Variants in LRCH1 observed in about 807,000 individuals in gnomAD.
LRCH1 encodes leucine-rich repeat and calponin homology domain-containing protein 1.
Under a neutral mutation model 94.9 loss-of-function variants are expected in LRCH1, and 23 were observed. The ratio of observed to expected loss-of-function variants is 0.24; its 90% CI spans 0.17 to 0.34. The LOEUF is 0.34. Among genes scored for constraint, LRCH1 ranks in the 10% least tolerant of loss-of-function variants. LRCH1 has a pLI of 1.00. For synonymous variants in LRCH1, 364 were observed against 354.9 expected, an observed-to-expected ratio of 1.03 and a Z score of -0.29; for missense variants, 790 against 945.9, an observed-to-expected ratio of 0.84 and a Z score of 2.16.
At chr13:46,579,009 T>C (rs540168372) in intron 1 of LRCH1, among the ~76,000 whole-genome samples, 1 of 152,106 alleles carries the variant, frequency 6.6e-6, no homozygotes, top group African/African-American at 2.4e-5. Context: ...ATGAAGAACA[T>C]TGGGCTGTTT....
At chr13:46,582,548 A>C (rs1000517410) in intron 1 of LRCH1, among the ~76,000 whole-genome samples, 31 of 148,806 alleles carry the variant, frequency 2.1e-4, no homozygotes, top group African/African-American at 7.7e-4. Context: ...GCAGTGACAC[A>C]ATCTTAGCTC....
chr13:46,750,515 G>T, intron 18 of LRCH1: 3 of 1,447,574 alleles, frequency 2.1e-6, no homozygotes, highest in Non-Finnish European at 2.9e-6. Flanking sequence ...TCTAAAAATT[G>T]ATGTTTTATT....
chr13:46,595,911 G>A (rs1031767406), intron 1 of LRCH1, among the ~76,000 whole-genome samples: 7 of 149,232 alleles, frequency 4.7e-5, no homozygotes, highest in African/African-American at 1.5e-4. Flanking sequence ...GGATGTTAAA[G>A]GTAGAGGAAG....
intron 2 of LRCH1, among the ~76,000 whole-genome samples, chr13:46,666,532 T>C (rs988614143): frequency 6.6e-6 from 1 of 152,226 alleles, no homozygotes; most frequent in Admixed American, 6.5e-5. Context: ...GATCTTAACT[T>C]GTATTTGTTA....
chr13:46,655,254 A>G (rs1320671904), intron 2 of LRCH1, among the ~76,000 whole-genome samples: 1 of 152,242 alleles, frequency 6.6e-6, no homozygotes, highest in Non-Finnish European at 1.5e-5. Flanking sequence ...CTTGTTGCCA[A>G]CAACCTCTAG....
At chr13:46,599,190 C>G (rs2137978332) in intron 1 of LRCH1, among the ~76,000 whole-genome samples, 1 of 152,308 alleles carries the variant, frequency 6.6e-6, no homozygotes, top group Non-Finnish European at 1.5e-5. Context: ...CTTCTTAAGG[C>G]TGATTAATAT....
At chr13:46,576,738 C>T (rs934309524) in intron 1 of LRCH1, among the ~76,000 whole-genome samples, 4 of 152,192 alleles carry the variant, frequency 2.6e-5, no homozygotes, top group Non-Finnish European at 5.9e-5. Context: ...CTACAGTCTC[C>T]AGCATTCCAT....
At chr13:46,625,642 T>G (rs1427179721) in intron 1 of LRCH1, among the ~76,000 whole-genome samples, 14 of 150,376 alleles carry the variant, frequency 9.3e-5, no homozygotes, top group African/African-American at 9.8e-5. Context: ...GTTTTTTTTT[T>G]TTTTTTTTTT....
intron 3 of LRCH1, chr13:46,680,240 T>C (rs1478875491): frequency 6.6e-6 from 1 of 152,224 alleles, no homozygotes; most frequent in Non-Finnish European, 1.5e-5. Flanking sequence ...CACAGTATTA[T>C]GGAGTGTCAC....
At chr13:46,601,228 G>A (rs2137982804) in intron 1 of LRCH1, among the ~76,000 whole-genome samples, 1 of 152,084 alleles carries the variant, frequency 6.6e-6, no homozygotes. Context: ...TGGAGAATAT[G>A]CATCAGCCTT....
chr13:46,641,901 T>G (rs1337582886), intron 1 of LRCH1, among the ~76,000 whole-genome samples: 1 of 152,236 alleles, frequency 6.6e-6, no homozygotes, highest in East Asian at 1.9e-4. Context: ...CAGTGGTGAC[T>G]CTTATTGTTT....
At position 46,686,119 on chromosome 13, in the gene LRCH1, C is replaced by T. The variant is rs1870601013; in HGVS notation, c.822+78C>T. The T allele has an allele frequency of 4.5e-6, 6 of 1,330,656 alleles. No individual in the cohort carries two copies. In the Middle Eastern group the frequency reaches 5.9e-4, roughly 132 times the overall value. The allele number at this position is 1,330,656 out of a possible 1,614,324, so 82.4% of individuals were successfully genotyped here. On this transcript the variant is annotated intron_variant, in intron 5 of 19. Transcript: ENST00000389797. Reference sequence around the variant, plus strand: ...GCCAAGGGAAAATTTCCCCTTCACCCTCTGAAAGTTTGCTGAAAATCACTA... The same window carrying T: ...GCCAAGGGAAAATTTCCCCTTCACCTTCTGAAAGTTTGCTGAAAATCACTA...
chr13:46,677,417 G>A (rs1369119819), intron 3 of LRCH1, among the ~76,000 whole-genome samples: 4 of 152,118 alleles, frequency 2.6e-5, no homozygotes, highest in African/African-American at 9.7e-5. Context: ...GCGACAGAGC[G>A]AGACAATGTC....
intron 1 of LRCH1, among the ~76,000 whole-genome samples, chr13:46,602,382 G>A (rs569244604): frequency 6.6e-6 from 1 of 152,278 alleles, no homozygotes; most frequent in African/African-American, 2.4e-5. Flanking sequence ...TTGGGGACAG[G>A]TAATCCATTC....
intron 1 of LRCH1, among the ~76,000 whole-genome samples, chr13:46,563,992 A>G (rs1351096865): frequency 6.6e-6 from 1 of 152,170 alleles, no homozygotes; most frequent in Non-Finnish European, 1.5e-5. Context: ...CAAACCAGCC[A>G]GGTTGTGGGC....
intron 1 of LRCH1, among the ~76,000 whole-genome samples, chr13:46,623,570 T>G (rs2050905707): frequency 6.6e-6 from 1 of 152,186 alleles, no homozygotes; most frequent in Non-Finnish European, 1.5e-5. Context: ...AACTTCTTCC[T>G]CTAGGGATAT....
At chr13:46,562,848 A>G (rs1022659066) in intron 1 of LRCH1, among the ~76,000 whole-genome samples, 9 of 152,290 alleles carry the variant, frequency 5.9e-5, no homozygotes, top group East Asian at 3.9e-4. Flanking sequence ...GAGAGTCCCA[A>G]TAATGCTCCT....
At chr13:46,748,982 C>A (rs1874018364), downstream of LRCH1, among the ~76,000 whole-genome samples, 3 of 152,160 alleles carry the variant, frequency 2.0e-5, no homozygotes, top group Non-Finnish European at 4.4e-5. Context: ...CATGTCATGT[C>A]CTTTGAAAGT....
chr13:46,595,896 GAC>G (rs999329620), intron 1 of LRCH1, among the ~76,000 whole-genome samples: 1 of 145,626 alleles, frequency 6.9e-6, no homozygotes, highest in Non-Finnish European at 1.5e-5. Context: ...TTTTATGTAA[GAC>G]AGGGATGTTA....
Sources: gnomAD v4.1 joint callset for allele counts (sites outside exome capture counted in the v4.1 genomes callset) on GRCh38, gnomAD v4.1.1 for gene constraint, MANE v1.5 for transcripts, NCBI Gene and HGNC (gene_info 2026-07-23, HGNC 2026-07-21) for gene names.